Variants in KCNMB2 observed in about 807,000 individuals in gnomAD.
The protein encoded by KCNMB2 is calcium-activated potassium channel subunit beta-2.
KCNMB2 carries 9 observed loss-of-function variants against 24.5 expected under a neutral mutation model. The ratio of observed to expected loss-of-function variants is 0.37; its 90% CI spans 0.22 to 0.64. KCNMB2 has a LOEUF of 0.64. KCNMB2 is among the 30% of genes least tolerant of loss of function. The pLI is 0.63. For synonymous variants in KCNMB2, 109 were observed against 104.4 expected, an observed-to-expected ratio of 1.04 and a Z score of -0.27; for missense variants, 226 against 284.3, an observed-to-expected ratio of 0.79 and a Z score of 1.47.
At chr3:178,580,963 A>G (rs889208155) in intron 1 of KCNMB2, among the ~76,000 whole-genome samples, 1 of 152,244 alleles carries the variant, frequency 6.6e-6, no homozygotes, top group African/African-American at 2.4e-5. Flanking sequence ...TATAGATTCA[A>G]TGCTATCCCC....
intron 1 of KCNMB2, among the ~76,000 whole-genome samples, chr3:178,678,436 CA>C (rs1354010338): frequency 2.6e-5 from 4 of 152,044 alleles, no homozygotes; most frequent in African/African-American, 7.3e-5. Context: ...AGAAATTAGC[CA>C]AAGAGACATA....
chr3:178,757,973 AG>A lies in KCNMB2; in HGVS notation c.-67-49369del, dbSNP rs1577156854. Among the ~76,000 whole-genome samples the A allele has an allele frequency of 4.1e-5, 3 of 73,848 alleles. 1 individual carries two copies. The highest frequency in any genetic ancestry group is 2.6e-5 in the Non-Finnish European group (1 of 38,304). The allele number at this position is 73,848 out of a possible 152,430, so 48.4% of individuals were successfully genotyped here. On this transcript the variant is annotated intron_variant, in intron 1 of 4. Transcript: ENST00000452583. ...TATAGACACAAGAGGATATATATAT[AG>A]ACACAAGAGGATATATATATATATC...
intron 1 of KCNMB2, among the ~76,000 whole-genome samples, chr3:178,705,514 T>G (rs34327427): frequency 0.047 from 7,220 of 152,208 alleles, 236 homozygotes; most frequent in Non-Finnish European, 0.073. Context: ...GAGAGTAGGT[T>G]TTATTTTCAT....
intron 1 of KCNMB2, among the ~76,000 whole-genome samples, chr3:178,781,230 G>C (rs113877790): frequency 2.1e-4 from 32 of 152,204 alleles, no homozygotes; most frequent in African/African-American, 7.0e-4. Flanking sequence ...CTACTGGACA[G>C]TGCTTCTCTA....
chr3:178,636,867 C>T (rs1434718563), intron 1 of KCNMB2, among the ~76,000 whole-genome samples: 1 of 152,096 alleles, frequency 6.6e-6, no homozygotes, highest in Admixed American at 6.5e-5. Flanking sequence ...CCCATGCCCC[C>T]CAACAGACCA....
chr3:178,828,370 G>A lies in KCNMB2; in HGVS notation c.420G>A (p.Gln140=). The change falls in exon 4 of 5, where the codon CAG becomes CAA. Residue 140 remains glutamine (Q), a synonymous_variant. Transcript: ENST00000452583. ...CAGAAGAGACAATAAAAATCAATCA[G>A]AAGGTAGGAACTTGGCGTACTGCAT... ...YHTEETIKIN[Q]KCSYIPKCGK... The A allele has an allele frequency of 6.2e-7, 1 of 1,612,050 alleles. No homozygotes were observed. Among genetic ancestry groups the A allele is most frequent in the Non-Finnish European group, 8.5e-7 (1 of 1,178,566 alleles).
chr3:178,788,984 T>C (rs189460080), intron 1 of KCNMB2, among the ~76,000 whole-genome samples: 92 of 152,266 alleles, frequency 6.0e-4, no homozygotes, highest in African/African-American at 2.2e-3. Flanking sequence ...CTGAATTGAT[T>C]AAAAAGAATA....
At chr3:178,723,139 T>C (rs1722863062) in intron 1 of KCNMB2, among the ~76,000 whole-genome samples, 1 of 152,172 alleles carries the variant, frequency 6.6e-6, no homozygotes, top group African/African-American at 2.4e-5. Context: ...AAATCAGTAA[T>C]ATAATAATAT....
At chr3:178,614,868 T>A (rs983697589) in intron 1 of KCNMB2, among the ~76,000 whole-genome samples, 3 of 152,224 alleles carry the variant, frequency 2.0e-5, no homozygotes, top group African/African-American at 7.2e-5. Context: ...GTGTTAGGTA[T>A]TTATTGTAGT....
chr3:178,689,990 G>A (rs559281426), intron 1 of KCNMB2, among the ~76,000 whole-genome samples: 12 of 151,596 alleles, frequency 7.9e-5, no homozygotes, highest in African/African-American at 2.9e-4. Flanking sequence ...TTTAGATTGT[G>A]CAAATTTGAA....
intron 1 of KCNMB2, among the ~76,000 whole-genome samples, chr3:178,629,800 G>C (rs1042938493): frequency 5.3e-5 from 8 of 152,194 alleles, no homozygotes; most frequent in African/African-American, 1.9e-4. Flanking sequence ...TCAACCAGAA[G>C]TTTCCAAATG....
intron 1 of KCNMB2, among the ~76,000 whole-genome samples, chr3:178,559,693 A>G (rs963867911): frequency 2.0e-5 from 3 of 148,100 alleles, no homozygotes; most frequent in Non-Finnish European, 4.5e-5. Context: ...AGATCACAGT[A>G]TTTTTAGTGA....
intron 1 of KCNMB2, among the ~76,000 whole-genome samples, chr3:178,647,910 T>G (rs1013625644): frequency 6.6e-6 from 1 of 152,188 alleles, no homozygotes; most frequent in African/African-American, 2.4e-5. Context: ...AGATGGTTAT[T>G]ACTTTCAAAC....
intron 1 of KCNMB2, among the ~76,000 whole-genome samples, chr3:178,570,607 T>C (rs1249327982): frequency 1.3e-5 from 2 of 151,220 alleles, no homozygotes; most frequent in East Asian, 3.9e-4. Flanking sequence ...AGTCCTCAGT[T>C]CTTTTCACAT....
At chr3:178,829,519 T>C (rs896271564) in intron 4 of KCNMB2, among the ~76,000 whole-genome samples, 2 of 152,226 alleles carry the variant, frequency 1.3e-5, no homozygotes, top group African/African-American at 4.8e-5. Context: ...ATGCTGGCTC[T>C]GATTTTCTTT....
At chr3:178,769,271 G>A (rs1339961732) in intron 1 of KCNMB2, among the ~76,000 whole-genome samples, 2 of 152,180 alleles carry the variant, frequency 1.3e-5, no homozygotes, top group African/African-American at 4.8e-5. Context: ...GGTTCACTGA[G>A]AGTATAAAAA....
At chr3:178,619,279 C>T (rs564489308) in intron 1 of KCNMB2, among the ~76,000 whole-genome samples, 2 of 152,068 alleles carry the variant, frequency 1.3e-5, no homozygotes, top group Non-Finnish European at 2.9e-5. Context: ...TTCATCTCCT[C>T]TAAGAATAAA....
chr3:178,591,005 C>T (rs1717650953), intron 1 of KCNMB2, among the ~76,000 whole-genome samples: 1 of 152,092 alleles, frequency 6.6e-6, no homozygotes, highest in African/African-American at 2.4e-5. Context: ...CACTAAAAAA[C>T]AAAGCCCAGA....
At chr3:178,759,754 C>CTATA (rs200103209) in intron 1 of KCNMB2, among the ~76,000 whole-genome samples, 432 of 5,862 alleles carry the variant, frequency 0.074, 112 homozygotes, top group Middle Eastern at 0.33. Flanking sequence ...GAGGATATAT[C>CTATA]TATATATATA....
Sources: gnomAD v4.1 joint callset for allele counts (sites outside exome capture counted in the v4.1 genomes callset) on GRCh38, gnomAD v4.1.1 for gene constraint, MANE v1.5 for transcripts, NCBI Gene and HGNC (gene_info 2026-07-23, HGNC 2026-07-21) for gene names.